Variants in DPP6 observed in about 807,000 individuals in gnomAD.
DPP6 encodes the protein dipeptidyl peptidase like 6, also known as A-type potassium channel modulatory protein DPP6.
In DPP6, 69 loss-of-function variants were observed where a neutral mutation model predicts 122.6. The ratio of observed to expected loss-of-function variants is 0.56; its 90% CI spans 0.46 to 0.69. The LOEUF (loss-of-function observed/expected upper bound fraction) is 0.69, where lower values mean the gene tolerates loss of function less well. Ranked by LOEUF, DPP6 falls within the 30% of genes least tolerant of loss-of-function variation. The probability of loss-of-function intolerance (pLI) is 0.00; values close to 1 mark genes in which losing one functional copy is unlikely to be tolerated. For synonymous variants in DPP6, 418 were observed against 433.1 expected, an observed-to-expected ratio of 0.97 and a Z score of 0.43; for missense variants, 928 against 1,116.9, an observed-to-expected ratio of 0.83 and a Z score of 2.41.
In DPP6 at chr7:154,061,618, G is replaced by GT. The variant is rs1185310504; in HGVS notation, c.243+8555_243+8556insT. On this transcript the variant is annotated intron_variant, in intron 1 of 25. Coordinates refer to ENST00000377770, the MANE Select transcript of DPP6 (RefSeq NM_130797.4). ...CCTGGCTCTTGGGACTCCCATCACA[G>GT]GGGGGGGAGGCACCCGCTGCGAGGC... Among the ~76,000 whole-genome samples, 61 of 128,502 alleles carry GT rather than the reference G, an allele frequency of 4.7e-4. 8 individuals carry two copies. The highest frequency in any genetic ancestry group is 7.2e-4 in the Non-Finnish European group (44 of 60,800). 84.3% of individuals were successfully genotyped at this position (128,502 alleles called of 152,430 possible).
chr7:154,883,817 A>ACTCT (rs1554495701), intron 21 of DPP6: 1 of 139,864 alleles, frequency 7.1e-6, no homozygotes, highest in African/African-American at 2.7e-5. Context: ...ACATGCTCAC[A>ACTCT]CAATTACATA....
chr7:154,594,709 A>G (rs1354539510), intron 5 of DPP6, among the ~76,000 whole-genome samples: 2 of 152,130 alleles, frequency 1.3e-5, no homozygotes, highest in Admixed American at 6.5e-5. Flanking sequence ...CTTGGCACAC[A>G]CCACCTACCA....
chr7:154,853,013 C>T (rs900167890), intron 16 of DPP6, among the ~76,000 whole-genome samples: 13 of 152,314 alleles, frequency 8.5e-5, no homozygotes, highest in African/African-American at 2.6e-4. Flanking sequence ...TAGCTGGAGC[C>T]GGTGAGTGCA....
At position 154,624,006 on chromosome 7, in the gene DPP6, C is replaced by T. The variant is rs1487532119; in HGVS notation, c.628-13815C>T. On this transcript the variant is annotated intron_variant, in intron 5 of 25. Transcript: ENST00000377770. The surrounding 1 kb of genome is among the most constrained non-coding windows in gnomAD (Gnocchi z 4.7). ...GTGAGGAATTCGAGACCAGCCTGGC[C>T]GACATGGTGAAACCCCATCTCTACT... 3.3e-5 allele frequency among the ~76,000 whole-genome samples: 5 copies of T among 152,066 alleles called. No homozygotes were observed. The highest frequency in any genetic ancestry group is 7.2e-5 in the African/African-American group (3 of 41,412).
chr7:154,220,148 A>C (rs11971228), intron 1 of DPP6, among the ~76,000 whole-genome samples: 1 of 152,178 alleles, frequency 6.6e-6, no homozygotes, highest in African/African-American at 2.4e-5. Context: ...CTAATGTGAT[A>C]GTATCAAGAG....
chr7:154,428,191 A>G (rs2151246362), intron 1 of DPP6, among the ~76,000 whole-genome samples: 1 of 152,334 alleles, frequency 6.6e-6, no homozygotes, highest in South Asian at 2.1e-4. Context: ...TTCTTCACAG[A>G]CTTTCATAAA....
chr7:154,304,881 G>A (rs1670970764), intron 1 of DPP6, among the ~76,000 whole-genome samples: 1 of 152,180 alleles, frequency 6.6e-6, no homozygotes, highest in Non-Finnish European at 1.5e-5. Context: ...GTCCAGGTAC[G>A]CGCTGTCTGG....
intron 1 of DPP6, among the ~76,000 whole-genome samples, chr7:154,082,736 G>A (rs140957393): frequency 0.069 from 10,501 of 151,930 alleles, 451 homozygotes; most frequent in Middle Eastern, 0.14. Context: ...TGCTGGTCCT[G>A]CTGCCACCTA....
chr7:154,520,692 A>T (rs1034244489), intron 3 of DPP6, among the ~76,000 whole-genome samples: 5 of 152,234 alleles, frequency 3.3e-5, no homozygotes, highest in Non-Finnish European at 7.3e-5. Flanking sequence ...GCTGAAATGA[A>T]TTTACTGCAA....
chr7:154,390,593 G>C (rs74518613), intron 1 of DPP6, among the ~76,000 whole-genome samples: 8,387 of 152,178 alleles, frequency 0.055, 716 homozygotes, highest in African/African-American at 0.19. Flanking sequence ...ATCATTTTCA[G>C]GGGTGAGACT....
chr7:153,786,793 G>T, the DPP6 span, among the ~76,000 whole-genome samples: 1 of 133,580 alleles, frequency 7.5e-6, no homozygotes, highest in African/African-American at 2.7e-5. Context: ...CATCAGCTTG[G>T]GCAAATCATT....
chr7:153,761,384 A>G, the DPP6 span, among the ~76,000 whole-genome samples: 1 of 152,264 alleles, frequency 6.6e-6, no homozygotes, highest in Non-Finnish European at 1.5e-5. Flanking sequence ...TAAGTTAAAT[A>G]TAACTAAGAC....
At chr7:154,771,665 G>A (rs901835432) in intron 9 of DPP6, among the ~76,000 whole-genome samples, 1 of 152,222 alleles carries the variant, frequency 6.6e-6, no homozygotes, top group Non-Finnish European at 1.5e-5. Context: ...AGCCCCAGAA[G>A]GAAGAAGAAT....
chr7:153,799,820 A>C, the DPP6 span, among the ~76,000 whole-genome samples: 3 of 152,216 alleles, frequency 2.0e-5, no homozygotes, highest in African/African-American at 7.2e-5. Context: ...AAGAATTATT[A>C]ATACAATTTT....
intron 18 of DPP6, among the ~76,000 whole-genome samples, chr7:154,869,329 C>T (rs752651732): frequency 6.6e-6 from 1 of 152,234 alleles, no homozygotes; most frequent in Non-Finnish European, 1.5e-5. Context: ...TACCAAGGCT[C>T]ACCCCACGAA....
Position 154,062,847 on chromosome 7 carries a change from C to G in DPP6, c.243+9784C>G, listed in dbSNP as rs1411125093. On this transcript the variant is annotated intron_variant, in intron 1 of 25. Coordinates refer to ENST00000377770, the MANE Select transcript of DPP6 (RefSeq NM_130797.4). ...CCCCCCGCGAGGCGGGGACTGCGAGCCAGACCCTCTTCCTCCCCCAGCTTA... is the reference window on the plus strand; with the variant it reads ...CCCCCCGCGAGGCGGGGACTGCGAGGCAGACCCTCTTCCTCCCCCAGCTTA... Among the ~76,000 whole-genome samples, 4 of 131,008 alleles carry G rather than the reference C, an allele frequency of 3.1e-5. No homozygotes were observed. In the Admixed American group the frequency reaches 3.1e-4, roughly 10 times the overall value. The allele number at this position is 131,008 out of a possible 152,430, so 85.9% of individuals were successfully genotyped here. A position where few individuals can be genotyped will look rare whatever the true frequency, so the allele number is the denominator to read the frequency against.
intron 12 of DPP6, among the ~76,000 whole-genome samples, chr7:154,800,060 C>T (rs753670666): frequency 6.6e-6 from 1 of 152,126 alleles, no homozygotes; most frequent in Admixed American, 6.5e-5. Flanking sequence ...AAACATTTCC[C>T]CCAGAAAACT....
the DPP6 span, among the ~76,000 whole-genome samples, chr7:153,807,125 G>A: frequency 6.6e-6 from 1 of 151,774 alleles, no homozygotes; most frequent in Non-Finnish European, 1.5e-5. Context: ...AATATTTCTT[G>A]CCTTAGGCTG....
chr7:154,444,763 A>G (rs1012885881), intron 1 of DPP6, among the ~76,000 whole-genome samples: 5 of 152,260 alleles, frequency 3.3e-5, no homozygotes, highest in Non-Finnish European at 5.9e-5. Flanking sequence ...CTGAATTAGC[A>G]AGATCTAATT....
Sources: gnomAD v4.1 joint callset for allele counts (sites outside exome capture counted in the v4.1 genomes callset) on GRCh38, gnomAD v4.1.1 for gene constraint, Gnocchi (gnomAD v3.1) non-coding constraint, MANE v1.5 for transcripts, NCBI Gene and HGNC (gene_info 2026-07-23, HGNC 2026-07-21) for gene names.